The following ZNF462 variants were observed in gnomAD, a reference collection of about 807,000 sequenced individuals.
ZNF462 encodes the protein zinc finger PBX1-interacting protein.
Under a neutral mutation model 201.9 loss-of-function variants are expected in ZNF462, and 10 were observed. The observed-to-expected ratio is 0.05, with a 90% CI of 0.03 to 0.08. The LOEUF is 0.08. Among genes scored for constraint, ZNF462 ranks in the 10% least tolerant of loss-of-function variants. The pLI is 1.00. For synonymous variants in ZNF462, 1,227 were observed against 1,193.3 expected (o/e 1.03, Z -0.58); for missense variants, 2,523 against 3,168.3 (o/e 0.80, Z 4.89).
In ZNF462 at chr9:106,962,945, A is replaced by T. The variant is rs1113820; in HGVS notation, c.6428-9060A>T. On this transcript the variant is annotated intron_variant, in intron 7 of 12. Coordinates refer to ENST00000277225, the MANE Select transcript of ZNF462 (RefSeq NM_021224.6). The surrounding 1 kb of genome is among the most constrained non-coding windows in gnomAD (Gnocchi z 4.6). ...TCCTTGGCCTGGAGATTTTCAAGGC[A>T]TAATCAAAAGAAGGAAATAAAATAA... Among the ~76,000 whole-genome samples the T allele has an allele frequency of 1.3e-5, 2 of 152,096 alleles. No individual in the cohort carries two copies. Among genetic ancestry groups the T allele is most frequent in the African/African-American group, 4.8e-5 (2 of 41,446 alleles).
chr9:106,991,838 CTACACACACACACA>C (rs1199770687), intron 10 of ZNF462, among the ~76,000 whole-genome samples: 1 of 128,138 alleles, frequency 7.8e-6, no homozygotes, highest in African/African-American at 3.0e-5. Context: ...ACAGCACTCT[CTACACACACACACA>C]CACACACACA....
chr9:106,950,519 G>A lies in ZNF462; in HGVS notation c.6427+11412G>A, dbSNP rs931264915. On this transcript the variant is annotated intron_variant, in intron 7 of 12. Coordinates refer to ENST00000277225, the MANE Select transcript of ZNF462 (RefSeq NM_021224.6). The surrounding 1 kb of genome is among the most constrained non-coding windows in gnomAD (Gnocchi z 4.1). ...GTTTTTAATTAGGGATACAGAGAAG[G>A]AAAGATGAGGAAATTCACATCTACC... 5.3e-5 allele frequency among the ~76,000 whole-genome samples: 8 copies of A among 152,128 alleles called. No individual in the cohort carries two copies. Among genetic ancestry groups the A allele is most frequent in the African/African-American group, 1.9e-4 (8 of 41,418 alleles).
At position 106,984,453 on chromosome 9, in the gene ZNF462, G is replaced by T; in HGVS notation, c.7056+44G>T. Reference sequence around the variant, plus strand: ...TGCTCCCGCCTCAGCACACTTGTGGGGAGGGGCCAAGGGGGAGACACCACT... The same window carrying T: ...TGCTCCCGCCTCAGCACACTTGTGGTGAGGGGCCAAGGGGGAGACACCACT... On this transcript the variant is annotated intron_variant, in intron 10 of 12. Coordinates refer to ENST00000277225, the MANE Select transcript of ZNF462 (RefSeq NM_021224.6). This position sits in a 1 kb window ranked among gnomAD's most constrained non-coding sequence, Gnocchi z 6.4. 1.3e-6 allele frequency: 2 copies of T among 1,525,800 alleles called. No homozygotes were observed. The highest frequency in any genetic ancestry group is 8.9e-7 in the Non-Finnish European group (1 of 1,117,406). The allele number at this position is 1,525,800 out of a possible 1,614,324, so 94.5% of individuals were successfully genotyped here.
intron 1 of ZNF462, among the ~76,000 whole-genome samples, chr9:106,891,272 CT>C (rs1178101371): frequency 6.6e-6 from 1 of 152,212 alleles, no homozygotes; most frequent in Non-Finnish European, 1.5e-5. Context: ...AATTCTTAGA[CT>C]TTCTTGATTT....
In ZNF462 at chr9:106,920,702, C is replaced by T. The variant is rs1250016384; in HGVS notation, c.-30-2652C>T. Among the ~76,000 whole-genome samples, 1 of 152,062 alleles carries T rather than the reference C, an allele frequency of 6.6e-6. No individual in the cohort carries two copies. Among genetic ancestry groups the T allele is most frequent in the East Asian group, 1.9e-4 (1 of 5,196 alleles). On this transcript the variant is annotated intron_variant, in intron 1 of 12. Transcript: ENST00000277225. This position sits in a 1 kb window ranked among gnomAD's most constrained non-coding sequence, Gnocchi z 4.3. Reference sequence around the variant, plus strand: ...GAGATTGTTAGTTTATGTTTGTGTCCAGTGAAGTTAGCATCCTTGATAATA... The same window carrying T: ...GAGATTGTTAGTTTATGTTTGTGTCTAGTGAAGTTAGCATCCTTGATAATA...
At chr9:106,889,720 A>G (rs1828491472) in intron 1 of ZNF462, among the ~76,000 whole-genome samples, 1 of 152,216 alleles carries the variant, frequency 6.6e-6, no homozygotes, top group Admixed American at 6.5e-5. Context: ...CAGAAATGAA[A>G]GACCTAGACC....
Position 106,863,238 on chromosome 9 carries a change from A to G in ZNF462, c.-148A>G, listed in dbSNP as rs1367524333. ...CTGAGACCCGGCAGAAGCACATGAG[A>G]CTCCCAAACAACTTCCACAACAATA... On this transcript the variant is annotated 5_prime_UTR_variant, in exon 1 of 13. Coordinates refer to ENST00000277225, the MANE Select transcript of ZNF462 (RefSeq NM_021224.6). The G allele has an allele frequency of 1.8e-5, 7 of 399,014 alleles. No homozygotes were observed. Among genetic ancestry groups the G allele is most frequent in the Non-Finnish European group, 2.7e-5 (6 of 226,262 alleles). The allele number at this position is 399,014 out of a possible 1,614,324, so 24.7% of individuals were successfully genotyped here.
At position 106,925,428 on chromosome 9, in the gene ZNF462, A is replaced by C; in HGVS notation, c.1516A>C (p.Ser506Arg). 1 of 1,614,214 alleles carries C rather than the reference A, an allele frequency of 6.2e-7. No homozygotes were observed. Among genetic ancestry groups the C allele is most frequent in the Non-Finnish European group, 8.5e-7 (1 of 1,180,040 alleles). ...TSDWDAVNSQ[S>R]ESISSSLNEG... ...AGATTGGGATGCTGTGAATTCCCAG[A>C]GTGAAAGCATTTCTTCCTCACTGAA... The change falls in exon 3 of 13, where the codon AGT becomes CGT. Residue 506 changes from serine (S) to arginine (R), a missense_variant. Coordinates refer to ENST00000277225, the MANE Select transcript of ZNF462 (RefSeq NM_021224.6). The surrounding 1 kb of genome is among the most constrained non-coding windows in gnomAD (Gnocchi z 7.9).
chr9:106,923,023 G>C lies in ZNF462; in HGVS notation c.-30-331G>C, dbSNP rs1055329217. Among the ~76,000 whole-genome samples, 1 of 152,202 alleles carries C rather than the reference G, an allele frequency of 6.6e-6. No homozygotes were observed. The highest frequency in any genetic ancestry group is 2.4e-5 in the African/African-American group (1 of 41,450). On this transcript the variant is annotated intron_variant, in intron 1 of 12. Coordinates refer to ENST00000277225, the MANE Select transcript of ZNF462 (RefSeq NM_021224.6). The surrounding 1 kb of genome is among the most constrained non-coding windows in gnomAD (Gnocchi z 5.6). ...AAGGCAGAACCAAAGCCAACATTAAGTTACCAAGAAATTTGGATTCAGTGG... is the reference window on the plus strand; with the variant it reads ...AAGGCAGAACCAAAGCCAACATTAACTTACCAAGAAATTTGGATTCAGTGG...
At position 106,930,611 on chromosome 9, in the gene ZNF462, A is replaced by G; in HGVS notation, c.5934A>G (p.Pro1978=). Residue 1978 remains proline, a synonymous_variant, in exon 4 of 13, where the codon CCA becomes CCG. Transcript: ENST00000277225. This position sits in a 1 kb window ranked among gnomAD's most constrained non-coding sequence, Gnocchi z 5.8. ...GTAAATTCTGTGTGGAAGTGCACCC[A>G]ACGCTCCGAGCCATCTGCAATCACC... The part of the protein sequence containing the change: ...YKCKFCVEVH[P]TLRAICNHLR... 1 of 1,614,126 alleles carries G rather than the reference A, an allele frequency of 6.2e-7. No homozygotes were observed.
At position 106,870,509 on chromosome 9, in the gene ZNF462, A is replaced by G. The variant is rs1827542596; in HGVS notation, c.-31+7154A>G. ...TTGACAGGTACTTATTTGTTCAAAAAATAAATACTTGAAGATGAGAACTGT... is the reference window on the plus strand; with the variant it reads ...TTGACAGGTACTTATTTGTTCAAAAGATAAATACTTGAAGATGAGAACTGT... On this transcript the variant is annotated intron_variant, in intron 1 of 12. Transcript: ENST00000277225. This position sits in a 1 kb window ranked among gnomAD's most constrained non-coding sequence, Gnocchi z 4.3. 1.3e-5 allele frequency among the ~76,000 whole-genome samples: 2 copies of G among 152,218 alleles called. No individual in the cohort carries two copies. Among genetic ancestry groups the G allele is most frequent in the Admixed American group, 6.5e-5 (1 of 15,276 alleles).
chr9:106,976,347 A>G (rs1030004843), intron 9 of ZNF462: 11 of 152,198 alleles, frequency 7.2e-5, no homozygotes, highest in African/African-American at 2.2e-4. Flanking sequence ...ACTTTTTTGA[A>G]CTGTCATTCA....
intron 7 of ZNF462, among the ~76,000 whole-genome samples, chr9:106,964,256 G>C (rs565190426): frequency 6.6e-6 from 1 of 151,896 alleles, no homozygotes; most frequent in East Asian, 1.9e-4. Flanking sequence ...GCTATTTTCC[G>C]TGAGACTGTA....
Position 106,923,717 on chromosome 9 carries a change from G to A in ZNF462, c.220+114G>A. On this transcript the variant is annotated intron_variant, in intron 2 of 12. Coordinates refer to ENST00000277225, the MANE Select transcript of ZNF462 (RefSeq NM_021224.6). This position sits in a 1 kb window ranked among gnomAD's most constrained non-coding sequence, Gnocchi z 5.6. ...GCTTTTGCAGAGTTTCTTGTGCTTT[G>A]CTAGCCATTTTTGTGGTTTGGGCAT... 9.3e-7 allele frequency: 1 copy of A among 1,078,226 alleles called. No individual in the cohort carries two copies. The highest frequency in any genetic ancestry group is 2.5e-5 in the East Asian group (1 of 39,486). 66.8% of individuals were successfully genotyped at this position (1,078,226 alleles called of 1,614,324 possible).
rs551696129 is a variant in ZNF462 at position 106,952,029 on chromosome 9, C to T, written c.6427+12922C>T. Reference sequence around the variant, plus strand: ...AATGATCTTTTTGAACCCACTTCTCCGTATAGATCATCTTTACTTAATGGT... The same window carrying T: ...AATGATCTTTTTGAACCCACTTCTCTGTATAGATCATCTTTACTTAATGGT... On this transcript the variant is annotated intron_variant, in intron 7 of 12. Transcript: ENST00000277225. Among the ~76,000 whole-genome samples, 10 of 152,122 alleles carry T rather than the reference C, an allele frequency of 6.6e-5. No individual in the cohort carries two copies. The East Asian group carries it at 1.5e-3, about 24-fold the overall frequency.
chr9:106,861,226 A>G (rs914272782), upstream of ZNF462, among the ~76,000 whole-genome samples: 1 of 152,102 alleles, frequency 6.6e-6, no homozygotes, highest in Non-Finnish European at 1.5e-5. Flanking sequence ...GATTCTGCTC[A>G]GGAATATAGG....
intron 1 of ZNF462, among the ~76,000 whole-genome samples, chr9:106,914,787 G>T (rs1829699022): frequency 6.6e-6 from 1 of 152,168 alleles, no homozygotes; most frequent in Admixed American, 6.5e-5. Flanking sequence ...GAGAAACTGT[G>T]TGTGGGTTGG....
intron 7 of ZNF462, among the ~76,000 whole-genome samples, chr9:106,957,612 A>C (rs2131852971): frequency 6.6e-6 from 1 of 152,254 alleles, no homozygotes; most frequent in South Asian, 2.1e-4. Context: ...GAGTAATCCA[A>C]CCATTTATAA....
intron 9 of ZNF462, among the ~76,000 whole-genome samples, chr9:106,983,245 G>A (rs1473335133): frequency 6.6e-6 from 1 of 152,172 alleles, no homozygotes; most frequent in African/African-American, 2.4e-5. Flanking sequence ...CAGCCCTACA[G>A]CATTTGGTAT....
Sources: allele counts gnomAD v4.1 joint callset (sites outside exome capture counted in the v4.1 genomes callset), GRCh38; gene constraint gnomAD v4.1.1; non-coding constraint Gnocchi (gnomAD v3.1); transcripts MANE v1.5; gene names NCBI Gene and HGNC (gene_info 2026-07-23, HGNC 2026-07-21).